LRP1B: variants seen among roughly 807,000 people sequenced by gnomAD.
The protein encoded by LRP1B is LDL receptor related protein 1B.
LRP1B carries 217 observed loss-of-function variants against 556.6 expected under a neutral mutation model. The observed-to-expected ratio is 0.39, with a 90% CI of 0.35 to 0.44. LRP1B has a LOEUF of 0.44. Among genes scored for constraint, LRP1B ranks in the 20% least tolerant of loss-of-function variants. LRP1B has a pLI of 1.00. For synonymous variants in LRP1B, 2,047 were observed against 1,865.8 expected, an observed-to-expected ratio of 1.10 and a Z score of -2.50; for missense variants, 5,053 against 5,620.8, an observed-to-expected ratio of 0.90 and a Z score of 3.23.
intron 2 of LRP1B, among the ~76,000 whole-genome samples, chr2:141,524,888 A>AC (rs1202604671): frequency 1.3e-5 from 2 of 151,990 alleles, no homozygotes; most frequent in Admixed American, 6.6e-5. Flanking sequence ...AAACAGTGCA[A>AC]CCTGATGCAG....
At chr2:141,252,409 T>C (rs764136700) in intron 4 of LRP1B, among the ~76,000 whole-genome samples, 3 of 152,120 alleles carry the variant, frequency 2.0e-5, no homozygotes, top group Non-Finnish European at 4.4e-5. Context: ...ATTCATAAAC[T>C]CAGGTTTCTT....
chr2:141,541,751 A>G (rs1435538731), intron 2 of LRP1B, among the ~76,000 whole-genome samples: 1 of 152,084 alleles, frequency 6.6e-6, no homozygotes, highest in African/African-American at 2.4e-5. Flanking sequence ...TTTTTAAAAA[A>G]TGTAATCTAA....
intron 3 of LRP1B, among the ~76,000 whole-genome samples, chr2:141,275,677 C>A (rs1305757762): frequency 2.0e-5 from 3 of 152,116 alleles, no homozygotes; most frequent in Admixed American, 6.5e-5. Context: ...TGCGCCACTG[C>A]ACTCTAGGAT....
chr2:141,184,831 A>AC (rs1681171644), intron 7 of LRP1B, among the ~76,000 whole-genome samples: 1 of 150,848 alleles, frequency 6.6e-6, no homozygotes, highest in Admixed American at 6.6e-5. Flanking sequence ...CACCTTACAT[A>AC]CCCTTCATCT....
In LRP1B at chr2:141,229,437, G is replaced by A. The variant is rs773363368; in HGVS notation, c.596C>T (p.Pro199Leu). Residue 199 changes from proline (P) to leucine (L), a missense_variant, in exon 6 of 91, where the codon CCT becomes CTT. By Grantham distance (98) the Pro-to-Leu change is moderately conservative. Transcript: ENST00000389484. ...DNRSCKAKIEPTDRPPILLIA... is the reference protein window; with the variant it reads ...DNRSCKAKIELTDRPPILLIA... ...TAATAGTATAGGTGGTCTATCTGTA[G>A]GTTCTGGAATAAAATAGAAAAAGAG... is the stretch of plus-strand genomic sequence containing the variant. 6.4e-7 allele frequency: 1 copy of A among 1,550,920 alleles called. No homozygotes were observed.
chr2:141,649,691 A>C (rs779917110), intron 2 of LRP1B, among the ~76,000 whole-genome samples: 1 of 152,188 alleles, frequency 6.6e-6, no homozygotes, highest in South Asian at 2.1e-4. Context: ...TTATTTCATT[A>C]ATTTTGTTTA....
intron 3 of LRP1B, among the ~76,000 whole-genome samples, chr2:141,435,288 T>C (rs773936631): frequency 6.6e-6 from 1 of 152,194 alleles, no homozygotes; most frequent in Non-Finnish European, 1.5e-5. Flanking sequence ...GAAAATGCTG[T>C]CAAATCCTGC....
At chr2:140,741,031 C>A (rs191267297) in intron 35 of LRP1B, among the ~76,000 whole-genome samples, 2 of 152,050 alleles carry the variant, frequency 1.3e-5, no homozygotes, top group African/African-American at 2.4e-5. Flanking sequence ...TTGTAATCCC[C>A]ATAAGAACAC....
chr2:141,644,360 G>C (rs995355999), intron 2 of LRP1B, among the ~76,000 whole-genome samples: 1 of 151,968 alleles, frequency 6.6e-6, no homozygotes, highest in South Asian at 2.1e-4. Flanking sequence ...TCTCTCTCTT[G>C]CTGCCCCATG....
At chr2:141,726,872 G>A (rs1367188011) in intron 2 of LRP1B, among the ~76,000 whole-genome samples, 1 of 152,054 alleles carries the variant, frequency 6.6e-6, no homozygotes, top group Non-Finnish European at 1.5e-5. Flanking sequence ...AAGATGAAGA[G>A]TAATAATCCT....
In LRP1B at chr2:141,178,273, C is replaced by T. The variant is rs139991697; in HGVS notation, c.1013+10148G>A. On this transcript the variant is annotated intron_variant, in intron 7 of 90. Coordinates refer to ENST00000389484, the MANE Select transcript of LRP1B (RefSeq NM_018557.3). Reference sequence around the variant, plus strand: ...CACAGCTTAAGGAGAACAAAGACAACGGGGAATCTCACAGAGAAAAAAATA... The same window carrying T: ...CACAGCTTAAGGAGAACAAAGACAATGGGGAATCTCACAGAGAAAAAAATA... Among the ~76,000 whole-genome samples, 619 of 152,170 alleles carry T rather than the reference C, an allele frequency of 4.1e-3. 3 individuals carry two copies. The highest frequency in any genetic ancestry group is 7.9e-3 in the Admixed American group (121 of 15,268).
At chr2:141,639,712 A>G (rs527867466) in intron 2 of LRP1B, among the ~76,000 whole-genome samples, 9 of 152,038 alleles carry the variant, frequency 5.9e-5, no homozygotes, top group Non-Finnish European at 1.2e-4. Flanking sequence ...TTAGCTTTCC[A>G]ATGAAAGAAT....
chr2:141,472,945 C>A (rs1229105928), intron 3 of LRP1B, among the ~76,000 whole-genome samples: 1 of 152,116 alleles, frequency 6.6e-6, no homozygotes, highest in Non-Finnish European at 1.5e-5. Flanking sequence ...GAATTAACTT[C>A]CAATCAACAA....
intron 20 of LRP1B, among the ~76,000 whole-genome samples, chr2:140,937,018 G>C (rs1484911837): frequency 6.6e-6 from 1 of 152,058 alleles, no homozygotes; most frequent in East Asian, 1.9e-4. Context: ...AAGTTAAACT[G>C]CTATAAATAT....
intron 18 of LRP1B, among the ~76,000 whole-genome samples, chr2:140,972,516 G>T (rs1021708078): frequency 6.6e-6 from 1 of 152,084 alleles, no homozygotes; most frequent in Non-Finnish European, 1.5e-5. Context: ...AATTATCAAA[G>T]AAGTAATGAA....
intron 2 of LRP1B, among the ~76,000 whole-genome samples, chr2:141,651,540 C>T (rs978646165): frequency 5.9e-5 from 9 of 152,018 alleles, no homozygotes; most frequent in African/African-American, 2.2e-4. Context: ...TGGTGCATGC[C>T]TGTAATACCA....
intron 32 of LRP1B, 110 bp from the exon 33 acceptor site, chr2:140,776,348 A>C (rs1559112330): frequency 4.5e-5 from 31 of 692,726 alleles, no homozygotes. Flanking sequence ...ATATTTCCAA[A>C]CTCTGTTTCT....
chr2:141,637,133 A>G (rs1230255438), intron 2 of LRP1B, among the ~76,000 whole-genome samples: 1 of 152,196 alleles, frequency 6.6e-6, no homozygotes, highest in African/African-American at 2.4e-5. Flanking sequence ...TTAATAAAGC[A>G]TCATCATCAC....
chr2:141,460,974 G>T (rs1367436970), intron 3 of LRP1B, among the ~76,000 whole-genome samples: 1 of 152,026 alleles, frequency 6.6e-6, no homozygotes, highest in African/African-American at 2.4e-5. Context: ...ACATCCAAGT[G>T]GAGATGGCAC....
Sources: gnomAD v4.1 joint callset for allele counts (sites outside exome capture counted in the v4.1 genomes callset) on GRCh38, gnomAD v4.1.1 for gene constraint, MANE v1.5 for transcripts, NCBI Gene and HGNC (gene_info 2026-07-23, HGNC 2026-07-21) for gene names.